The following KIF2C variants were observed in gnomAD, a reference collection of about 807,000 sequenced individuals.
KIF2C encodes the protein kinesin family member 2C.
In KIF2C, 34 loss-of-function variants were observed where a neutral mutation model predicts 97.4. The observed-to-expected ratio is 0.35, with a 90% confidence interval of 0.27 to 0.46. KIF2C has a LOEUF of 0.46. KIF2C is among the 20% of genes least tolerant of loss of function. KIF2C has a pLI of 1.00. For synonymous variants in KIF2C, 313 were observed against 318.2 expected (o/e 0.98, Z 0.17); for missense variants, 750 against 907.6 (o/e 0.83, Z 2.23).
Position 44,767,104 on chromosome 1 carries a change from C to A in KIF2C, c.2103C>A (p.Ile701=). The A allele has an allele frequency of 2.5e-6, 4 of 1,614,096 alleles. No individual in the cohort carries two copies. The change falls in exon 21 of 21, where the codon ATC becomes ATA. Residue 701 remains isoleucine (I), a synonymous_variant. Transcript: ENST00000372224. ...CGCTACCCTTTCTTCCAGATGTCATCAAGGCCTTGCGCCTGGCCATGCAGC... is the reference window on the plus strand; with the variant it reads ...CGCTACCCTTTCTTCCAGATGTCATAAAGGCCTTGCGCCTGGCCATGCAGC... ...AKHFSALRDV[I]KALRLAMQLE...
chr1:44,761,460 T>C (rs1650136720), intron 16 of KIF2C, among the ~76,000 whole-genome samples: 1 of 151,828 alleles, frequency 6.6e-6, no homozygotes, highest in South Asian at 2.1e-4. Context: ...TAAAAAAAAT[T>C]AGCCAGGTGT....
In KIF2C at chr1:44,760,889, G is replaced by A. The variant is rs1231276956; in HGVS notation, c.1683+187G>A. On this transcript the variant is annotated intron_variant, in intron 16 of 20. Coordinates refer to ENST00000372224, the MANE Select transcript of KIF2C (RefSeq NM_006845.4). This position sits in a 1 kb window ranked among gnomAD's most constrained non-coding sequence, Gnocchi z 4.2. ...GACTCCTTGTGGCCTAACCAAGCGTGGAGGAAAGGATCTATTCCCTTTAAG... is the reference window on the plus strand; with the variant it reads ...GACTCCTTGTGGCCTAACCAAGCGTAGAGGAAAGGATCTATTCCCTTTAAG... The A allele has an allele frequency of 1.7e-5, 10 of 589,614 alleles. No individual in the cohort carries two copies. Among genetic ancestry groups the A allele is most frequent in the Non-Finnish European group, 2.7e-5 (9 of 329,464 alleles). The allele number at this position is 589,614 out of a possible 1,614,324, so 36.5% of individuals were successfully genotyped here.
chr1:44,741,823 CTACAAAAAA>C lies in KIF2C; in HGVS notation c.165+826_165+834del, dbSNP rs1260414897. 4.6e-5 allele frequency among the ~76,000 whole-genome samples: 7 copies of C among 151,716 alleles called. No homozygotes were observed. In the East Asian group the frequency reaches 1.2e-3, roughly 25 times the overall value. On this transcript the variant is annotated intron_variant, in intron 2 of 20. Transcript: ENST00000372224. ...TGGGCAACATGACAAAACCTCATTT[CTACAAAAAA>C]TACAAAAAACATTAGCCGGGCATGG... is the stretch of plus-strand genomic sequence containing the variant.
At chr1:44,750,079 CAAAAAAAAAA>C (rs67811341) in intron 4 of KIF2C, among the ~76,000 whole-genome samples, 1 of 68,306 alleles carries the variant, frequency 1.5e-5, no homozygotes, top group Non-Finnish European at 3.2e-5. Context: ...CGAAACTCCT[CAAAAAAAAAA>C]AAAAAAAAAA....
intron 4 of KIF2C, among the ~76,000 whole-genome samples, chr1:44,748,484 G>A (rs138630673): frequency 6.6e-6 from 1 of 152,214 alleles, no homozygotes; most frequent in East Asian, 1.9e-4. Context: ...AGGAGAGTTG[G>A]GACTCGCAGC....
At chr1:44,758,598 G>T (rs890706148) in intron 13 of KIF2C, among the ~76,000 whole-genome samples, 42 of 152,280 alleles carry the variant, frequency 2.8e-4, no homozygotes, top group African/African-American at 9.9e-4. Flanking sequence ...TTAGGGGCCA[G>T]GCGTGATGGC....
intron 2 of KIF2C, among the ~76,000 whole-genome samples, chr1:44,742,777 G>C (rs1050606355): frequency 6.6e-6 from 1 of 151,020 alleles, no homozygotes; most frequent in Non-Finnish European, 1.5e-5. Context: ...AACTTTGCTT[G>C]CCCAAGCTAG....
intron 10 of KIF2C, among the ~76,000 whole-genome samples, chr1:44,757,022 A>C (rs933179070): frequency 6.6e-6 from 1 of 151,902 alleles, no homozygotes; most frequent in Non-Finnish European, 1.5e-5. Flanking sequence ...GGTTCAAGCA[A>C]TTCTCCTGCC....
intron 13 of KIF2C, chr1:44,758,897 A>C (rs1341513563): frequency 7.3e-6 from 2 of 273,046 alleles, no homozygotes; most frequent in African/African-American, 4.3e-5. Context: ...TAATAATAAG[A>C]TATTAGGAGC....
At chr1:44,754,703 A>T in intron 7 of KIF2C, 47 bp from the exon 8 acceptor site, 1 of 1,092,252 alleles carries the variant, frequency 9.2e-7, no homozygotes, top group African/African-American at 1.5e-5. Flanking sequence ...GTCTGAGAGC[A>T]CTTATATCTT....
Position 44,756,061 on chromosome 1 carries a change from C to T in KIF2C, c.815-14C>T, listed in dbSNP as rs760290738. 10 of 1,614,014 alleles carry T rather than the reference C, an allele frequency of 6.2e-6. No individual in the cohort carries two copies. In the South Asian group the frequency reaches 1.1e-4, roughly 18 times the overall value. On this transcript the variant is annotated splice_polypyrimidine_tract_variant and intron_variant, in intron 9 of 20. Coordinates refer to ENST00000372224, the MANE Select transcript of KIF2C (RefSeq NM_006845.4). The stretch of plus-strand genomic sequence containing the variant: ...TTTCCAGGGAGCACCCCCTGAAATA[C>T]TCTCCTTCTGCAGAATTGGCCAAGA...
In KIF2C at chr1:44,760,743, CAG is replaced by C. The variant is rs553123164; in HGVS notation, c.1683+44_1683+45del. The C allele has an allele frequency of 1.6e-4, 243 of 1,511,472 alleles. No individual in the cohort carries two copies. In the East Asian group the frequency reaches 4.6e-3, roughly 29 times the overall value. The allele number at this position is 1,511,472 out of a possible 1,614,324, so 93.6% of individuals were successfully genotyped here. On this transcript the variant is annotated intron_variant, in intron 16 of 20. Transcript: ENST00000372224. This position sits in a 1 kb window ranked among gnomAD's most constrained non-coding sequence, Gnocchi z 4.2. Reference sequence around the variant, plus strand: ...TTGAAGGTGATGGTACAGGAGGAGACAGAGTTGCTTTCCACAGAGACACTTAG... The same window carrying C: ...TTGAAGGTGATGGTACAGGAGGAGACAGTTGCTTTCCACAGAGACACTTAG...
chr1:44,756,697 C>T (rs142498611), intron 10 of KIF2C, among the ~76,000 whole-genome samples: 3,558 of 151,440 alleles, frequency 0.023, 60 homozygotes, highest in Non-Finnish European at 0.03. Context: ...GGATTACAGG[C>T]GCCTGCCATC....
At chr1:44,754,866 T>A in intron 8 of KIF2C, 21 bp downstream of exon 8, 1 of 1,435,870 alleles carries the variant, frequency 7.0e-7, no homozygotes, top group Non-Finnish European at 9.8e-7. Flanking sequence ...CCAAAGAACT[T>A]CTCTTTCTTA....
At chr1:44,750,591 CCAT>C (rs767499294) in intron 5 of KIF2C, 27 bp downstream of exon 5, 2 of 1,497,646 alleles carry the variant, frequency 1.3e-6, no homozygotes, top group South Asian at 1.3e-5. Context: ...CCCCCAACCA[CCAT>C]GTTTGAGGCC....
chr1:44,749,739 C>T (rs577303184), intron 4 of KIF2C, among the ~76,000 whole-genome samples: 1 of 152,074 alleles, frequency 6.6e-6, no homozygotes, highest in Non-Finnish European at 1.5e-5. Context: ...GAGCCAAGAT[C>T]ATGCCACTGC....
intron 14 of KIF2C, among the ~76,000 whole-genome samples, 180 bp downstream of exon 14, chr1:44,759,528 C>T (rs1302651654): frequency 2.0e-5 from 3 of 152,138 alleles, no homozygotes; most frequent in South Asian, 4.1e-4. Context: ...AGAGGCTTAT[C>T]AGAACCAAGT....
Position 44,767,248 on chromosome 1 carries a change from G to A in KIF2C, c.*69G>A, listed in dbSNP as rs1650521309. The A allele has an allele frequency of 1.4e-6, 2 of 1,403,694 alleles. No homozygotes were observed. Among genetic ancestry groups the A allele is most frequent in the Non-Finnish European group, 2.0e-6 (2 of 995,126 alleles). The allele number at this position is 1,403,694 out of a possible 1,614,324, so 87.0% of individuals were successfully genotyped here. On this transcript the variant is annotated 3_prime_UTR_variant, in exon 21 of 21. Coordinates refer to ENST00000372224, the MANE Select transcript of KIF2C (RefSeq NM_006845.4). ...CCCTGGCCCTCCCCAGAGAACTTTG[G>A]GTACCTGGTGGGTCTAGGCAGGGTC...
chr1:44,760,392 G>T lies in KIF2C; in HGVS notation c.1480G>T (p.Ala494Ser), dbSNP rs777003142. 1 of 1,614,238 alleles carries T rather than the reference G, an allele frequency of 6.2e-7. No homozygotes were observed. Among genetic ancestry groups the T allele is most frequent in the Non-Finnish European group, 8.5e-7 (1 of 1,180,040 alleles). Reference protein sequence around the residue: ...MHGKFSLVDLAGNERGADTSS... With the variant: ...MHGKFSLVDLSGNERGADTSS... Reference sequence around the variant, plus strand: ...TGGCAAGTTCTCTTTGGTAGATCTGGCAGGGAATGAGCGAGGCGCGGACAC... The same window carrying T: ...TGGCAAGTTCTCTTTGGTAGATCTGTCAGGGAATGAGCGAGGCGCGGACAC... The change falls in exon 15 of 21, where the codon GCA becomes TCA. Residue 494 changes from alanine to serine, a missense_variant. Transcript: ENST00000372224. This position sits in a 1 kb window ranked among gnomAD's most constrained non-coding sequence, Gnocchi z 4.2.
Sources: allele counts gnomAD v4.1 joint callset (sites outside exome capture counted in the v4.1 genomes callset), GRCh38; gene constraint gnomAD v4.1.1; non-coding constraint Gnocchi (gnomAD v3.1); transcripts MANE v1.5; gene names NCBI Gene and HGNC (gene_info 2026-07-23, HGNC 2026-07-21).